SNX29: variants seen among roughly 807,000 people sequenced by gnomAD.
The protein encoded by SNX29 is sorting nexin 29, also known as sorting nexin-29.
A neutral mutation model predicts 102.1 loss-of-function variants in SNX29; 78 were observed. That is an observed-to-expected ratio of 0.76 (90% CI 0.64 to 0.92). The LOEUF (loss-of-function observed/expected upper bound fraction) is 0.92, where lower values mean the gene tolerates loss of function less well. Ranked by LOEUF, SNX29 falls within the 40% of genes least tolerant of loss-of-function variation. The pLI is 0.00. For synonymous variants in SNX29, 580 were observed against 414.5 expected, an observed-to-expected ratio of 1.40 and a Z score of -4.85; for missense variants, 1,280 against 1,061.7, an observed-to-expected ratio of 1.21 and a Z score of -2.86.
chr16:12,433,822 TCAAAA>T (rs909675953), intron 18 of SNX29, among the ~76,000 whole-genome samples: 85 of 152,172 alleles, frequency 5.6e-4, no homozygotes, highest in African/African-American at 1.9e-3. Context: ...AGACCATGTC[TCAAAA>T]CAAAACAAAA....
At chr16:12,049,678 A>G (rs1472906094) in intron 7 of SNX29, among the ~76,000 whole-genome samples, 2 of 152,212 alleles carry the variant, frequency 1.3e-5, no homozygotes, top group East Asian at 3.9e-4. Flanking sequence ...AAAAAAAGAA[A>G]GTTGATTCAG....
At chr16:12,538,946 C>A (rs541650481) in intron 20 of SNX29, among the ~76,000 whole-genome samples, 1 of 152,236 alleles carries the variant, frequency 6.6e-6, no homozygotes, top group African/African-American at 2.4e-5. Context: ...TGTAGCAGTG[C>A]TGTGAAATGC....
At chr16:12,364,594 C>T (rs2082407025) in intron 16 of SNX29, among the ~76,000 whole-genome samples, 1 of 152,108 alleles carries the variant, frequency 6.6e-6, no homozygotes. Flanking sequence ...CCTTGTAAGA[C>T]TGCAAGTTAT....
chr16:12,555,654 C>G (rs148000295), intron 20 of SNX29, among the ~76,000 whole-genome samples: 4 of 152,082 alleles, frequency 2.6e-5, no homozygotes, highest in African/African-American at 9.7e-5. Flanking sequence ...ATGCCAGACC[C>G]TGTCACTCCT....
At chr16:12,261,615 T>C (rs1212895076) in intron 14 of SNX29, among the ~76,000 whole-genome samples, 1 of 141,492 alleles carries the variant, frequency 7.1e-6, no homozygotes. Context: ...TGAGCTCGGG[T>C]CTGTGCATGC....
chr16:12,416,619 A>C (rs1243125922), intron 18 of SNX29, among the ~76,000 whole-genome samples: 1 of 152,206 alleles, frequency 6.6e-6, no homozygotes, highest in Admixed American at 6.5e-5. Flanking sequence ...CCAGTTCTGC[A>C]GGCTGTACAA....
In SNX29 at chr16:12,412,388, A is replaced by C. The variant is rs894963401; in HGVS notation, c.2037+8859A>C. 2.6e-5 allele frequency among the ~76,000 whole-genome samples: 4 copies of C among 152,340 alleles called. No individual in the cohort carries two copies. The East Asian group carries it at 5.8e-4, about 22-fold the overall frequency. ...TTCACAAATTTGTCTCAGTGAAATG[A>C]ACCTGTTTCCATAACATGTTTCCTG... On this transcript the variant is annotated intron_variant, in intron 18 of 20. Coordinates refer to ENST00000566228, the MANE Select transcript of SNX29 (RefSeq NM_032167.5).
intron 3 of SNX29, among the ~76,000 whole-genome samples, chr16:12,005,953 T>C (rs2056437122): frequency 6.6e-6 from 1 of 152,212 alleles, no homozygotes; most frequent in African/African-American, 2.4e-5. Context: ...ACCTTTGTTA[T>C]AGAAAATGTT....
At chr16:12,334,627 C>A (rs940042706) in intron 15 of SNX29, among the ~76,000 whole-genome samples, 2 of 152,130 alleles carry the variant, frequency 1.3e-5, no homozygotes, top group African/African-American at 4.8e-5. Flanking sequence ...TTGGCTAATT[C>A]GGTTTTTAGG....
At chr16:12,544,931 C>G (rs2077518929) in intron 20 of SNX29, among the ~76,000 whole-genome samples, 1 of 152,212 alleles carries the variant, frequency 6.6e-6, no homozygotes. Flanking sequence ...ATCATCATCC[C>G]TTGTTCACTG....
rs375391332 is a variant in SNX29, at chr16:12,534,410, T to C, written c.2318+9569T>C. Among the ~76,000 whole-genome samples, 73 of 152,322 alleles carry C rather than the reference T, an allele frequency of 4.8e-4. 3 individuals carry two copies. In the South Asian group the frequency reaches 0.015, roughly 32 times the overall value. ...AGCTTCTTTTGCTTCTTGTCCTCTG[T>C]GTAGCCAGCGGCTGCACTCGGTTGC... On this transcript the variant is annotated intron_variant, in intron 20 of 20. Coordinates refer to ENST00000566228, the MANE Select transcript of SNX29 (RefSeq NM_032167.5).
chr16:12,306,077 A>G (rs532702497), intron 15 of SNX29, among the ~76,000 whole-genome samples: 152 of 152,026 alleles, frequency 1.0e-3, no homozygotes, highest in South Asian at 2.1e-3. Flanking sequence ...ACCTGCATGT[A>G]AAACCATTCA....
At chr16:12,563,893 C>A (rs763106560) in intron 20 of SNX29, among the ~76,000 whole-genome samples, 1 of 152,220 alleles carries the variant, frequency 6.6e-6, no homozygotes, top group Admixed American at 6.5e-5. Context: ...GGGCCTCTGC[C>A]GTCTCTGGAG....
intron 4 of SNX29, chr16:12,029,773 G>T: frequency 2.8e-6 from 1 of 355,348 alleles, no homozygotes; most frequent in East Asian, 7.9e-5. Context: ...TGTATTTTTA[G>T]TAGAGATGGA....
intron 20 of SNX29, among the ~76,000 whole-genome samples, chr16:12,525,520 A>C (rs2076755649): frequency 6.6e-6 from 1 of 152,068 alleles, no homozygotes; most frequent in South Asian, 2.1e-4. Context: ...TAAAAATACA[A>C]AAATTAGCCA....
In SNX29 at chr16:12,058,797, G is replaced by GTT. The variant is rs34150245; in HGVS notation, c.1125-2705_1125-2704dup. ...GTGTGAGCCACAGCACCCGGCCTGG[G>GTT]TTTTTTTTTTTTTTTTTTTTTTTTT... On this transcript the variant is annotated intron_variant, in intron 8 of 20. Transcript: ENST00000566228. Among the ~76,000 whole-genome samples, 11 of 113,758 alleles carry GTT rather than the reference G, an allele frequency of 9.7e-5. No homozygotes were observed. In the East Asian group the frequency reaches 1.0e-3, roughly 10 times the overall value. 74.6% of individuals were successfully genotyped at this position (113,758 alleles called of 152,430 possible).
chr16:12,367,151 GT>G (rs1468643829), intron 16 of SNX29: 2 of 152,224 alleles, frequency 1.3e-5, no homozygotes, highest in African/African-American at 4.8e-5. Flanking sequence ...GGAGCACTTT[GT>G]GCTGTGTTGT....
At chr16:12,527,826 CTTT>C (rs767257136) in intron 20 of SNX29, among the ~76,000 whole-genome samples, 5 of 138,384 alleles carry the variant, frequency 3.6e-5, no homozygotes, top group African/African-American at 8.0e-5. Context: ...TCTTCTTCTT[CTTT>C]TTTTTTTTTT....
At position 12,277,921 on chromosome 16, in the gene SNX29, C is replaced by T; in HGVS notation, c.1679-12C>T. 1.9e-6 allele frequency: 3 copies of T among 1,595,084 alleles called. No individual in the cohort carries two copies. Among genetic ancestry groups the T allele is most frequent in the Non-Finnish European group, 2.6e-6 (3 of 1,169,626 alleles). ...GTTGAAATATTTATGACATGTCTCTCTTTCTCTAAAGTGCCAAATCTTTGG... is the reference window on the plus strand; with the variant it reads ...GTTGAAATATTTATGACATGTCTCTTTTTCTCTAAAGTGCCAAATCTTTGG... On this transcript the variant is annotated splice_polypyrimidine_tract_variant and intron_variant, in intron 14 of 20. Coordinates refer to ENST00000566228, the MANE Select transcript of SNX29 (RefSeq NM_032167.5).
Sources: gnomAD v4.1 joint callset for allele counts (sites outside exome capture counted in the v4.1 genomes callset) on GRCh38, gnomAD v4.1.1 for gene constraint, MANE v1.5 for transcripts, NCBI Gene and HGNC (gene_info 2026-07-23, HGNC 2026-07-21) for gene names.